Variants in ARHGEF12 observed in about 807,000 individuals in gnomAD.
ARHGEF12 encodes KMT2A/ARHGEF12 fusion protein.
In ARHGEF12, 66 loss-of-function variants were observed where a neutral mutation model predicts 211.2. That is an observed-to-expected ratio of 0.31 (90% CI 0.26 to 0.38). The LOEUF (loss-of-function observed/expected upper bound fraction) is 0.38. Ranked by LOEUF, ARHGEF12 falls within the 10% of genes least tolerant of loss-of-function variation. The pLI is 1.00. For missense variants in ARHGEF12, 1,429 were observed against 1,869.5 expected, an observed-to-expected ratio of 0.76 and a Z score of 4.34; for synonymous variants, 592 against 638.4, an observed-to-expected ratio of 0.93 and a Z score of 1.09.
At chr11:120,437,075 A>G (rs1394547451) in intron 11 of ARHGEF12, among the ~76,000 whole-genome samples, 1 of 152,176 alleles carries the variant, frequency 6.6e-6, no homozygotes, top group Non-Finnish European at 1.5e-5. Flanking sequence ...GAGATTAGGT[A>G]AAATTGTTTT....
Position 120,431,904 on chromosome 11 carries a change from A to C in ARHGEF12, c.917A>C (p.Asn306Thr). ...GATGCTTCTCGGCCCAGTAGTGACA[A>C]TGCAGATGTAAGCTTTCAGTTTTCT... The part of the protein sequence containing the change: ...SGDASRPSSD[N>T]ADSPKSGPKE... Residue 306 changes from asparagine to threonine, a missense_variant, in exon 11 of 41, where the codon AAT becomes ACT. This residue lies in a region of ARHGEF12 where 254 missense variants were observed against 286.4 expected (regional missense o/e 0.89). Coordinates refer to ENST00000397843, the MANE Select transcript of ARHGEF12 (RefSeq NM_015313.3). 6.3e-7 allele frequency: 1 copy of C among 1,592,084 alleles called. No individual in the cohort carries two copies. The highest frequency in any genetic ancestry group is 8.5e-7 in the Non-Finnish European group (1 of 1,171,964).
At chr11:120,352,655 A>G (rs989884979) in intron 1 of ARHGEF12, among the ~76,000 whole-genome samples, 1 of 151,998 alleles carries the variant, frequency 6.6e-6, no homozygotes, top group African/African-American at 2.4e-5. Context: ...GTGTGTGGCA[A>G]TGGCCCTGTG....
At chr11:120,362,872 G>T (rs896494782) in intron 1 of ARHGEF12, among the ~76,000 whole-genome samples, 1 of 151,884 alleles carries the variant, frequency 6.6e-6, no homozygotes, top group Non-Finnish European at 1.5e-5. Flanking sequence ...AGGCCGAGGC[G>T]GGCGGATCAT....
intron 1 of ARHGEF12, among the ~76,000 whole-genome samples, chr11:120,346,473 CAT>C (rs1406688873): frequency 6.6e-6 from 1 of 152,220 alleles, no homozygotes; most frequent in African/African-American, 2.4e-5. Flanking sequence ...CATCAGCTCA[CAT>C]GTCAGTGGCC....
rs145481602 is a variant in ARHGEF12 at position 120,405,103 on chromosome 11, T to C, written c.33-1015T>C. On this transcript the variant is annotated intron_variant, in intron 1 of 40. Coordinates refer to ENST00000397843, the MANE Select transcript of ARHGEF12 (RefSeq NM_015313.3). ...GAAGGGAATTGTAAGTCAGCTTGTA[T>C]TTTGGAGGTTTTGTTTCTACCTCCA... Among the ~76,000 whole-genome samples, 396 of 152,318 alleles carry C rather than the reference T, an allele frequency of 2.6e-3. 4 individuals are homozygous for C. Among genetic ancestry groups the C allele is most frequent in the Admixed American group, 0.02 (302 of 15,304 alleles).
intron 1 of ARHGEF12, among the ~76,000 whole-genome samples, chr11:120,386,200 G>C (rs545501746): frequency 3.3e-5 from 5 of 152,202 alleles, no homozygotes; most frequent in Admixed American, 6.5e-5. Context: ...ATTGCATTCT[G>C]CTTTCTTTTT....
At chr11:120,446,815 A>G (rs554349348) in intron 17 of ARHGEF12, 133 bp from the exon 18 acceptor site, 2 of 1,107,160 alleles carry the variant, frequency 1.8e-6, no homozygotes, top group African/African-American at 3.2e-5. Context: ...CCTAGATGAC[A>G]TGGACCCATA....
At chr11:120,411,580 G>GTTT (rs1944881504) in intron 4 of ARHGEF12, 1 of 93,312 alleles carries the variant, frequency 1.1e-5, no homozygotes, top group South Asian at 4.6e-4. Flanking sequence ...AACTTTCTTG[G>GTTT]CTTTTTTTTT....
intron 1 of ARHGEF12, among the ~76,000 whole-genome samples, chr11:120,353,325 A>C (rs1943043774): frequency 6.6e-6 from 1 of 152,220 alleles, no homozygotes; most frequent in African/African-American, 2.4e-5. Flanking sequence ...CAGTCGCAGA[A>C]TCTTGAGGTC....
chr11:120,479,474 T>C lies in ARHGEF12; in HGVS notation c.3767-486T>C, dbSNP rs576197642. Among the ~76,000 whole-genome samples the C allele has an allele frequency of 7.9e-5, 12 of 152,334 alleles. No homozygotes were observed. In the South Asian group the frequency reaches 2.1e-3, roughly 26 times the overall value. ...CCATTCAAAATTAAATTGGTTCTTA[T>C]TTTCAGTAAATGTATGTATCTCATA... On this transcript the variant is annotated intron_variant, in intron 37 of 40. Coordinates refer to ENST00000397843, the MANE Select transcript of ARHGEF12 (RefSeq NM_015313.3).
chr11:120,348,255 A>G (rs1366918627), intron 1 of ARHGEF12, among the ~76,000 whole-genome samples: 1 of 152,238 alleles, frequency 6.6e-6, no homozygotes, highest in African/African-American at 2.4e-5. Flanking sequence ...TTGTGACAAT[A>G]TAGTCTATTT....
intron 1 of ARHGEF12, among the ~76,000 whole-genome samples, chr11:120,383,341 T>C (rs1943931070): frequency 6.6e-6 from 1 of 152,032 alleles, no homozygotes; most frequent in African/African-American, 2.4e-5. Context: ...GGGAGGGTGT[T>C]CGGGGGAGGG....
intron 29 of ARHGEF12, 129 bp from the exon 30 acceptor site, chr11:120,469,159 C>G (rs1189855694): frequency 1.5e-6 from 1 of 671,200 alleles, no homozygotes; most frequent in Non-Finnish European, 2.4e-6. Flanking sequence ...AGGCTTTAAG[C>G]TGGTACAAAA....
chr11:120,459,274 G>C lies in ARHGEF12; in HGVS notation c.2481G>C (p.Glu827Asp). The change falls in exon 26 of 41, where the codon GAG (glutamate) becomes GAC (aspartate). Residue 827 changes from glutamate to aspartate, a missense_variant. Glu to Asp is a conservative substitution (Grantham distance 45). Around this residue, in one of 7 missense-constraint regions of ARHGEF12, gnomAD observed 223 missense variants for 444.6 expected, o/e 0.50. Coordinates refer to ENST00000397843, the MANE Select transcript of ARHGEF12 (RefSeq NM_015313.3). Reference protein sequence around the residue: ...VSREGILSPSELRKIFSNLED... With the variant: ...VSREGILSPSDLRKIFSNLED... ...GAGAAGGAATTCTGTCACCCTCAGA[G>C]CTACGGAAAATTTTTTCAAACTTGG... 1 of 1,613,526 alleles carries C rather than the reference G, an allele frequency of 6.2e-7. No homozygotes were observed. Among genetic ancestry groups the C allele is most frequent in the Non-Finnish European group, 8.5e-7 (1 of 1,179,746 alleles).
intron 1 of ARHGEF12, among the ~76,000 whole-genome samples, chr11:120,358,461 A>T (rs1323389584): frequency 2.0e-5 from 3 of 152,148 alleles, no homozygotes; most frequent in Non-Finnish European, 4.4e-5. Flanking sequence ...AAGATGGAAG[A>T]TGGAGAAGAG....
chr11:120,419,183 A>G (rs1422521969), intron 4 of ARHGEF12, among the ~76,000 whole-genome samples: 2 of 151,786 alleles, frequency 1.3e-5, no homozygotes, highest in African/African-American at 4.8e-5. Context: ...GATGGTCTCG[A>G]TCTCCTGACC....
At chr11:120,353,448 G>C (rs1174815137) in intron 1 of ARHGEF12, among the ~76,000 whole-genome samples, 1 of 152,146 alleles carries the variant, frequency 6.6e-6, no homozygotes, top group Non-Finnish European at 1.5e-5. Context: ...AACAGCAACA[G>C]ACTCTTGCGG....
intron 1 of ARHGEF12, among the ~76,000 whole-genome samples, chr11:120,347,164 C>CT (rs1565417041): frequency 7.8e-5 from 5 of 64,184 alleles, no homozygotes; most frequent in East Asian, 4.7e-4. Context: ...TCCTTCCTTC[C>CT]TTCCTTCCTT....
At chr11:120,443,838 A>G (rs182255598) in intron 15 of ARHGEF12, among the ~76,000 whole-genome samples, 32 of 152,334 alleles carry the variant, frequency 2.1e-4, no homozygotes, top group African/African-American at 6.7e-4. Context: ...TAGTATAACA[A>G]CTATTTGCAT....
Sources: allele counts gnomAD v4.1 joint callset (sites outside exome capture counted in the v4.1 genomes callset), GRCh38; gene constraint gnomAD v4.1.1; regional missense constraint gnomAD v4.1.1; transcripts MANE v1.5; gene names NCBI Gene and HGNC (gene_info 2026-07-23, HGNC 2026-07-21).